DNAAF1: variants seen among roughly 807,000 people sequenced by gnomAD.
DNAAF1 encodes the protein dynein assembly factor 1, axonemal.
DNAAF1 carries 65 observed loss-of-function variants against 71.1 expected under a neutral mutation model. The observed-to-expected ratio is 0.91, with a 90% CI of 0.75 to 1.12. DNAAF1 has a LOEUF of 1.12. Among genes scored for constraint, DNAAF1 ranks in the 50% most tolerant of loss-of-function variants. The pLI is 0.00. For synonymous variants in DNAAF1, 414 were observed against 354.6 expected (o/e 1.17, Z -1.88); for missense variants, 1,178 against 899.8 (o/e 1.31, Z -3.96).
intron 11 of DNAAF1, 141 bp from the exon 12 acceptor site, chr16:84,177,588 C>T (rs758132465): frequency 1.3e-6 from 1 of 744,916 alleles, no homozygotes; most frequent in Non-Finnish European, 2.4e-6. Context: ...CTCGGCCTCC[C>T]AAAGTGCTGG....
Position 84,174,629 on chromosome 16 carries a change from T to G in DNAAF1, c.1645-40T>G. ...TGCCTATCAGAACGTTGACAGTGCG[T>G]GTACCTCCCTGGTGATGTGCGGCTC... On this transcript the variant is annotated intron_variant, in intron 9 of 11. Coordinates refer to ENST00000378553, the MANE Select transcript of DNAAF1 (RefSeq NM_178452.6). 4 of 1,614,086 alleles carry G rather than the reference T, an allele frequency of 2.5e-6. No individual in the cohort carries two copies. In the South Asian group the frequency reaches 4.4e-5, roughly 18 times the overall value.
In DNAAF1 at chr16:84,170,213, A is replaced by T; in HGVS notation, c.1385A>T (p.Gln462Leu). ...GAGGTTAAAGGAGAGGATGGAGATCAAGAGCCAGAGGGGACCCTCCCAGCT... is the reference window on the plus strand; with the variant it reads ...GAGGTTAAAGGAGAGGATGGAGATCTAGAGCCAGAGGGGACCCTCCCAGCT... ...PVEVKGEDGD[Q>L]EPEGTLPAET... The change falls in exon 8 of 12, where the codon CAA (glutamine) becomes CTA (leucine). Residue 462 changes from glutamine to leucine, a missense_variant. Coordinates refer to ENST00000378553, the MANE Select transcript of DNAAF1 (RefSeq NM_178452.6). The T allele has an allele frequency of 6.3e-7, 1 of 1,599,298 alleles. No homozygotes were observed. The highest frequency in any genetic ancestry group is 8.5e-7 in the Non-Finnish European group (1 of 1,174,486).
chr16:84,155,859 C>A, intron 5 of DNAAF1, 110 bp downstream of exon 5: 1 of 1,339,670 alleles, frequency 7.5e-7, no homozygotes, highest in Non-Finnish European at 1.0e-6. Context: ...CCTTCCTTCC[C>A]TTTTTCACAC....
Position 84,168,017 on chromosome 16 carries a change from C to CAA in DNAAF1, c.1031-1830_1031-1829dup, listed in dbSNP as rs746866697. On this transcript the variant is annotated intron_variant, in intron 7 of 11. Coordinates refer to ENST00000378553, the MANE Select transcript of DNAAF1 (RefSeq NM_178452.6). ...GGGCGACAAGAGCGAAACTCCATCTCAAAAAAAAAAAAACCCCACAAATCT... is the reference window on the plus strand; with the variant it reads ...GGGCGACAAGAGCGAAACTCCATCTCAAAAAAAAAAAAAAACCCCACAAATCT... Among the ~76,000 whole-genome samples the CAA allele has an allele frequency of 7.0e-4, 94 of 134,564 alleles. 2 individuals are homozygous for CAA. The highest frequency in any genetic ancestry group is 2.3e-3 in the African/African-American group (84 of 36,708). The allele number at this position is 134,564 out of a possible 152,430, so 88.3% of individuals were successfully genotyped here.
intron 5 of DNAAF1, among the ~76,000 whole-genome samples, chr16:84,157,408 A>G (rs1297140420): frequency 6.6e-6 from 1 of 151,486 alleles, no homozygotes; most frequent in Admixed American, 6.6e-5. Context: ...CTGTGATCTC[A>G]GCTACTTGGG....
Position 84,170,360 on chromosome 16 carries a change from A to G in DNAAF1, c.1528+4A>G, listed in dbSNP as rs544901275. On this transcript the variant is annotated splice_donor_region_variant and intron_variant, in intron 8 of 11. Coordinates refer to ENST00000378553, the MANE Select transcript of DNAAF1 (RefSeq NM_178452.6). ...CCCCTGGGAGCTGCCAGGGAAGGTA[A>G]TGTGAGCGGAGAAACACACACAGAC... The G allele has an allele frequency of 2.5e-6, 4 of 1,613,652 alleles. No homozygotes were observed. In the African/African-American group the frequency reaches 4.0e-5, roughly 16 times the overall value.
chr16:84,145,563 A>T lies in DNAAF1; in HGVS notation c.123A>T (p.Glu41Asp). Residue 41 changes from glutamate to aspartate, a missense_variant and splice_region_variant, in exon 1 of 12, where the codon GAA becomes GAT. By Grantham distance (45) the Glu-to-Asp change is conservative. Transcript: ENST00000378553. ...HGSAGRGGCKEEINDPKEICV... is the reference protein window; with the variant it reads ...HGSAGRGGCKDEINDPKEICV... ...GCGCAGGCCGAGGGGGCTGCAAGGA[A>T]GGTGCCGACTGCCCCCCAGGGAGGG... is the stretch of plus-strand genomic sequence containing the variant. The T allele has an allele frequency of 1.3e-6, 2 of 1,547,410 alleles. No homozygotes were observed. The highest frequency in any genetic ancestry group is 2.4e-5 in the South Asian group (2 of 83,972).
chr16:84,153,603 T>C (rs1344663835), intron 3 of DNAAF1, among the ~76,000 whole-genome samples: 1 of 152,198 alleles, frequency 6.6e-6, no homozygotes, highest in Non-Finnish European at 1.5e-5. Context: ...TTTATTTTGC[T>C]CACCATTGAT....
chr16:84,165,990 G>T, intron 7 of DNAAF1, 41 bp downstream of exon 7: 1 of 1,576,964 alleles, frequency 6.3e-7, no homozygotes, highest in South Asian at 1.1e-5. Context: ...GAGTTCCTTT[G>T]AGATTAGGCA....
intron 7 of DNAAF1, among the ~76,000 whole-genome samples, chr16:84,166,209 T>C (rs117188437): frequency 6.6e-6 from 1 of 151,812 alleles, no homozygotes; most frequent in Non-Finnish European, 1.5e-5. Context: ...CGTACCACCA[T>C]GCCTGGCTAG....
chr16:84,150,562 G>A (rs1385535947), intron 3 of DNAAF1, among the ~76,000 whole-genome samples: 2 of 151,892 alleles, frequency 1.3e-5, no homozygotes, highest in African/African-American at 4.8e-5. Context: ...GAATACCAAG[G>A]AAACACATTA....
chr16:84,153,564 C>G (rs1000966944), intron 3 of DNAAF1, among the ~76,000 whole-genome samples: 4 of 152,158 alleles, frequency 2.6e-5, no homozygotes, highest in African/African-American at 9.7e-5. Flanking sequence ...AACGGATTAT[C>G]TGTTGGCAGG....
intron 5 of DNAAF1, among the ~76,000 whole-genome samples, chr16:84,157,041 T>C (rs1351354366): frequency 6.6e-6 from 1 of 151,910 alleles, no homozygotes; most frequent in Non-Finnish European, 1.5e-5. Flanking sequence ...TTTGTAGAGA[T>C]GGGTTTTGCC....
Position 84,177,710 on chromosome 16 carries a change from G to C in DNAAF1, c.2066-19G>C. On this transcript the variant is annotated intron_variant, in intron 11 of 11. Coordinates refer to ENST00000378553, the MANE Select transcript of DNAAF1 (RefSeq NM_178452.6). ...TCACAGTGACAGGGAGAAAGCACAGGTCACCCTTCCTTCCACAGTGCCGAC... is the reference window on the plus strand; with the variant it reads ...TCACAGTGACAGGGAGAAAGCACAGCTCACCCTTCCTTCCACAGTGCCGAC... 6.2e-7 allele frequency: 1 copy of C among 1,605,898 alleles called. No homozygotes were observed. The highest frequency in any genetic ancestry group is 8.5e-7 in the Non-Finnish European group (1 of 1,173,124).
chr16:84,158,945 G>A (rs2087568716), intron 5 of DNAAF1: 1 of 727,302 alleles, frequency 1.4e-6, no homozygotes, highest in Non-Finnish European at 1.7e-6. Context: ...TGGCCAGGCT[G>A]GTCTCGAACT....
intron 3 of DNAAF1, among the ~76,000 whole-genome samples, chr16:84,151,768 C>G (rs548371309): frequency 5.9e-5 from 9 of 152,182 alleles, no homozygotes; most frequent in African/African-American, 2.2e-4. Context: ...GATGGCTTGA[C>G]GAGGGCTAGA....
At chr16:84,166,955 C>G (rs931348197) in intron 7 of DNAAF1, among the ~76,000 whole-genome samples, 2 of 152,220 alleles carry the variant, frequency 1.3e-5, no homozygotes, top group African/African-American at 2.4e-5. Context: ...TTCTCTGACA[C>G]CAGCCGGCTG....
At position 84,177,773 on chromosome 16, in the gene DNAAF1, G is replaced by A. The variant is rs777730513; in HGVS notation, c.2110G>A (p.Val704Ile). Residue 704 changes from valine to isoleucine, a missense_variant, in exon 12 of 12, where the codon GTT becomes ATT. Coordinates refer to ENST00000378553, the MANE Select transcript of DNAAF1 (RefSeq NM_178452.6). ...CACACCCCCAGAGACGTGTGTCGGA[G>A]TTGCCCAGCCCAGCCAAGCTCTGCC... ...AATPPETCVG[V>I]AQPSQALPTW... The A allele has an allele frequency of 3.0e-5, 49 of 1,613,978 alleles. No individual in the cohort carries two copies. The highest frequency in any genetic ancestry group is 3.8e-5 in the Non-Finnish European group (45 of 1,180,020).
chr16:84,170,822 A>C (rs1282438140), intron 8 of DNAAF1, among the ~76,000 whole-genome samples: 1 of 152,112 alleles, frequency 6.6e-6, no homozygotes, highest in Non-Finnish European at 1.5e-5. Context: ...ACAGAGTGAG[A>C]CCCTCCCTCA....
Sources: gnomAD v4.1 joint callset for allele counts (sites outside exome capture counted in the v4.1 genomes callset) on GRCh38, gnomAD v4.1.1 for gene constraint, MANE v1.5 for transcripts, NCBI Gene and HGNC (gene_info 2026-07-23, HGNC 2026-07-21) for gene names.